ZKSCAN5: variants seen among roughly 807,000 people sequenced by gnomAD.
The protein encoded by ZKSCAN5 is zinc finger protein with KRAB and SCAN domains 5.
A neutral mutation model predicts 60.0 loss-of-function variants in ZKSCAN5; 28 were observed. The ratio of observed to expected loss-of-function variants is 0.47; its 90% CI spans 0.35 to 0.64. The LOEUF is 0.64. Among genes scored for constraint, ZKSCAN5 ranks in the 30% least tolerant of loss-of-function variants. The pLI is 0.01. For synonymous variants in ZKSCAN5, 361 were observed against 371.2 expected, an observed-to-expected ratio of 0.97 and a Z score of 0.31; for missense variants, 881 against 1,034.6, an observed-to-expected ratio of 0.85 and a Z score of 2.04.
chr7:99,509,583 C>T (rs921351881), intron 2 of ZKSCAN5, among the ~76,000 whole-genome samples: 4 of 151,708 alleles, frequency 2.6e-5, no homozygotes, highest in African/African-American at 4.8e-5. Flanking sequence ...TCTCCTGCCT[C>T]AGCCTCCCAA....
Position 99,533,665 on chromosome 7 carries a change from G to A in ZKSCAN5, c.*1416G>A, listed in dbSNP as rs953246609. 39 of 401,794 alleles carry A rather than the reference G, an allele frequency of 9.7e-5. No homozygotes were observed. Among genetic ancestry groups the A allele is most frequent in the South Asian group, 3.7e-4 (3 of 8,048 alleles). 24.9% of individuals were successfully genotyped at this position (401,794 alleles called of 1,614,324 possible). On this transcript the variant is annotated 3_prime_UTR_variant, in exon 7 of 7. Transcript: ENST00000326775. Reference sequence around the variant, plus strand: ...AACACCTGGTTCATTTGATTAAAGCGGAGAAAACTCCAGGGTGCTATGACT... The same window carrying A: ...AACACCTGGTTCATTTGATTAAAGCAGAGAAAACTCCAGGGTGCTATGACT...
At chr7:99,528,112 T>C (rs928635045) in intron 6 of ZKSCAN5, among the ~76,000 whole-genome samples, 3 of 151,058 alleles carry the variant, frequency 2.0e-5, no homozygotes, top group African/African-American at 4.9e-5. Flanking sequence ...CCAGCCAAAA[T>C]GTTTTTCTTT....
Position 99,531,513 on chromosome 7 carries a change from A to G in ZKSCAN5, c.1784A>G (p.His595Arg). Residue 595 changes from histidine (H) to arginine (R), a missense_variant, in exon 7 of 7, where the codon CAT (histidine) becomes CGT (arginine). Transcript: ENST00000326775. ...AACCAACGCGTGCACCTAACTCAGC[A>G]TCAGCGCGTCCACACAGGTGAGAAG... ...SYNQRVHLTQ[H>R]QRVHTGEKPY... 1 of 1,614,240 alleles carries G rather than the reference A, an allele frequency of 6.2e-7. No homozygotes were observed.
In ZKSCAN5 at chr7:99,504,743, T is replaced by C. The variant is rs938094512; in HGVS notation, c.-41+10T>C. The C allele has an allele frequency of 1.3e-5, 2 of 152,186 alleles. No individual in the cohort carries two copies. Among genetic ancestry groups the C allele is most frequent in the Non-Finnish European group, 2.9e-5 (2 of 68,096 alleles). 9.4% of individuals were successfully genotyped at this position (152,186 alleles called of 1,614,324 possible). A position where few individuals can be genotyped will look rare whatever the true frequency, so the allele number is the denominator to read the frequency against. On this transcript the variant is annotated intron_variant, in intron 1 of 6. Transcript: ENST00000326775. ...CTGCGGTGGTCAAGAGGTGGGTTTG[T>C]TTGGAAAGTGGGTGGTGAGAGTAGC...
chr7:99,516,651 G>A (rs982797941), intron 3 of ZKSCAN5, among the ~76,000 whole-genome samples: 10 of 152,142 alleles, frequency 6.6e-5, no homozygotes, highest in African/African-American at 2.4e-4. Context: ...CAAAGAGCAA[G>A]CAGAGGTGAC....
chr7:99,532,028 T>C lies in ZKSCAN5; in HGVS notation c.2299T>C (p.Tyr767His). The change falls in exon 7 of 7, where the codon TAC becomes CAC. Residue 767 changes from tyrosine to histidine, a missense_variant. Physicochemically the swap from Tyr to His is moderately conservative, Grantham distance 83. Coordinates refer to ENST00000326775, the MANE Select transcript of ZKSCAN5 (RefSeq NM_145102.4). The stretch of plus-strand genomic sequence containing the variant: ...CCACACCAAACAACATCAAAAAATC[T>C]ACTCCAGCACAAAATCCCATCAATG... ...CSHTKQHQKI[Y>H]SSTKSHQCHE... is the part of the protein sequence containing the mutation. The C allele has an allele frequency of 1.2e-6, 2 of 1,614,202 alleles. No individual in the cohort carries two copies. Among genetic ancestry groups the C allele is most frequent in the Non-Finnish European group, 1.7e-6 (2 of 1,180,036 alleles).
Position 99,534,455 on chromosome 7 carries a change from C to G in ZKSCAN5, c.*2206C>G, listed in dbSNP as rs1169826778. 2 of 152,196 alleles carry G rather than the reference C, an allele frequency of 1.3e-5. No homozygotes were observed. Among genetic ancestry groups the G allele is most frequent in the Admixed American group, 1.3e-4 (2 of 15,258 alleles). 9.4% of individuals were successfully genotyped at this position (152,196 alleles called of 1,614,324 possible). On this transcript the variant is annotated 3_prime_UTR_variant, in exon 7 of 7. Transcript: ENST00000326775. ...CTTTGGGAGGCTGAGGCGGGCAGAT[C>G]ACGAGGTCAAGAGATCGAAACCATC...
chr7:99,512,458 T>C lies in ZKSCAN5; in HGVS notation c.420T>C (p.Val140=). ...RELEERRQQI[V]ACPDVLPRKM... ...GTTTTGGTTGTGGTTGTTAGATTGT[T>C]GCCTGCCCTGATGTGCTTCCTCGGA... Residue 140 remains valine (V), a synonymous_variant, in exon 3 of 7, where the codon GTT becomes GTC. Coordinates refer to ENST00000326775, the MANE Select transcript of ZKSCAN5 (RefSeq NM_145102.4). 6.2e-7 allele frequency: 1 copy of C among 1,613,738 alleles called. No homozygotes were observed. Among genetic ancestry groups the C allele is most frequent in the Non-Finnish European group, 8.5e-7 (1 of 1,179,750 alleles).
chr7:99,510,973 A>T (rs768680810), intron 2 of ZKSCAN5, among the ~76,000 whole-genome samples: 2 of 152,004 alleles, frequency 1.3e-5, no homozygotes, highest in Non-Finnish European at 2.9e-5. Context: ...CCAACTCCTG[A>T]GCTCAAGTCA....
At chr7:99,516,253 C>G (rs1189930184) in intron 3 of ZKSCAN5, among the ~76,000 whole-genome samples, 2 of 152,194 alleles carry the variant, frequency 1.3e-5, no homozygotes, top group African/African-American at 2.4e-5. Context: ...TGGCTCTTGT[C>G]CTCTGTTTCT....
chr7:99,510,900 G>T lies in ZKSCAN5; in HGVS notation c.415-1553G>T, dbSNP rs549200508. 7.9e-5 allele frequency among the ~76,000 whole-genome samples: 12 copies of T among 152,098 alleles called. No homozygotes were observed. In the East Asian group the frequency reaches 2.3e-3, roughly 29 times the overall value. ...GGGACTATATAGATGTATGCTACCA[G>T]GCCTGGCTAATTTTTATATTTTTAG... On this transcript the variant is annotated intron_variant, in intron 2 of 6. Transcript: ENST00000326775.
chr7:99,523,163 CAAAAAAAAAAA>C lies in ZKSCAN5; in HGVS notation c.773-2633_773-2623del, dbSNP rs35854468. On this transcript the variant is annotated intron_variant, in intron 5 of 6. Coordinates refer to ENST00000326775, the MANE Select transcript of ZKSCAN5 (RefSeq NM_145102.4). ...TAGGTGACAATGTGAGACCCTATCTCAAAAAAAAAAAAAAAAAAAAAAAAAAATGGAGGGGC... is the reference window on the plus strand; with the variant it reads ...TAGGTGACAATGTGAGACCCTATCTCAAAAAAAAAAAAAAAATGGAGGGGC... 2.7e-4 allele frequency among the ~76,000 whole-genome samples: 13 copies of C among 48,954 alleles called. No homozygotes were observed. The East Asian group carries it at 6.4e-3, about 24-fold the overall frequency. The allele number at this position is 48,954 out of a possible 152,430, so 32.1% of individuals were successfully genotyped here. A position where few individuals can be genotyped will look rare whatever the true frequency, so the allele number is the denominator to read the frequency against.
chr7:99,521,122 C>A (rs1363296166), intron 5 of ZKSCAN5, among the ~76,000 whole-genome samples: 1 of 152,042 alleles, frequency 6.6e-6, no homozygotes, highest in Non-Finnish European at 1.5e-5. Context: ...TTAGTAAATT[C>A]TTTTAGAAGA....
At chr7:99,511,540 T>G (rs1198009540) in intron 2 of ZKSCAN5, among the ~76,000 whole-genome samples, 1 of 152,096 alleles carries the variant, frequency 6.6e-6, no homozygotes, top group African/African-American at 2.4e-5. Context: ...CCTCCTGGGC[T>G]CAAGCGATCC....
At chr7:99,507,549 A>G (rs887919558) in intron 2 of ZKSCAN5, among the ~76,000 whole-genome samples, 3 of 148,168 alleles carry the variant, frequency 2.0e-5, no homozygotes, top group Admixed American at 6.9e-5. Context: ...ATATGTATAT[A>G]TATGTATATA....
At chr7:99,530,986 G>A (rs1802014696) in intron 6 of ZKSCAN5, 122 bp from the exon 7 acceptor site, 1 of 854,350 alleles carries the variant, frequency 1.2e-6, no homozygotes, top group Non-Finnish European at 1.8e-6. Context: ...GAACCCAGGA[G>A]GCAGAGGTTG....
intron 2 of ZKSCAN5, 47 bp from the exon 3 acceptor site, chr7:99,512,406 T>C (rs1350919338): frequency 1.3e-6 from 2 of 1,567,144 alleles, no homozygotes; most frequent in African/African-American, 2.7e-5. Flanking sequence ...ATTTCTTTCG[T>C]GGCCTTCTCT....
chr7:99,527,550 C>T (rs1003366529), intron 6 of ZKSCAN5, among the ~76,000 whole-genome samples: 3 of 152,062 alleles, frequency 2.0e-5, no homozygotes, highest in African/African-American at 4.8e-5. Flanking sequence ...GCTGTTCAGC[C>T]CTCCTTTTTA....
chr7:99,526,153 A>G lies in ZKSCAN5; in HGVS notation c.1113A>G (p.Glu371=). The change falls in exon 6 of 7, where the codon GAA becomes GAG. Residue 371 remains glutamate (E), a synonymous_variant. Coordinates refer to ENST00000326775, the MANE Select transcript of ZKSCAN5 (RefSeq NM_145102.4). ...AGCATCGGCGCATCCACACTGGAGA[A>G]AAACCGTTTAAGTGCGGAGAATGTG... is the stretch of plus-strand genomic sequence containing the variant. ...FIQHRRIHTG[E]KPFKCGECGK... 1 of 1,614,248 alleles carries G rather than the reference A, an allele frequency of 6.2e-7. No individual in the cohort carries two copies. Among genetic ancestry groups the G allele is most frequent in the Non-Finnish European group, 8.5e-7 (1 of 1,180,052 alleles).
Sources: gnomAD v4.1 joint callset for allele counts (sites outside exome capture counted in the v4.1 genomes callset) on GRCh38, gnomAD v4.1.1 for gene constraint, MANE v1.5 for transcripts, NCBI Gene and HGNC (gene_info 2026-07-23, HGNC 2026-07-21) for gene names.